FOCAD: variants seen among roughly 807,000 people sequenced by gnomAD.
The protein encoded by FOCAD is KIAA1797.
A neutral mutation model predicts 225.6 loss-of-function variants in FOCAD; 198 were observed. That is an observed-to-expected ratio of 0.88 (90% CI 0.78 to 0.99). The LOEUF (loss-of-function observed/expected upper bound fraction) is 0.99, where lower values mean the gene tolerates loss of function less well. Among genes scored for constraint, FOCAD ranks in the 50% least tolerant of loss-of-function variants. The pLI, the probability that FOCAD is intolerant of heterozygous loss-of-function variation, is 0.00. For missense variants in FOCAD, 2,713 were observed against 2,123.6 expected, an observed-to-expected ratio of 1.28 and a Z score of -5.46; for synonymous variants, 897 against 755.0, an observed-to-expected ratio of 1.19 and a Z score of -3.08.
chr9:20,895,580 G>T (rs1378877576), intron 21 of FOCAD, among the ~76,000 whole-genome samples: 3 of 151,172 alleles, frequency 2.0e-5, no homozygotes, highest in Admixed American at 6.6e-5. Flanking sequence ...TATATATATA[G>T]ATATATTTAT....
In FOCAD at chr9:20,781,751, A is replaced by C; in HGVS notation, c.1019A>C (p.Glu340Ala). Residue 340 changes from glutamate (E) to alanine (A), a missense_variant, in exon 10 of 44, where the codon GAG (glutamate) becomes GCG (alanine). Transcript: ENST00000338382. ...GCTTTGAAGCTCCTCTCTGTTACTG[A>C]GGATCAGAAAATCCCAAAGTCCTCT... ...NLALKLLSVT[E>A]DQKIPKSSLL... The C allele has an allele frequency of 1.2e-6, 2 of 1,613,864 alleles. No individual in the cohort carries two copies. Among genetic ancestry groups the C allele is most frequent in the Non-Finnish European group, 1.7e-6 (2 of 1,179,952 alleles).
intron 1 of FOCAD, among the ~76,000 whole-genome samples, chr9:20,698,742 T>G (rs62549788): frequency 0.28 from 42,130 of 152,112 alleles, 6,616 homozygotes; most frequent in South Asian, 0.39. Flanking sequence ...ATTGTAAACT[T>G]TTCTTTACAT....
At chr9:20,698,924 A>AG (rs1486211319) in intron 1 of FOCAD, among the ~76,000 whole-genome samples, 1 of 152,216 alleles carries the variant, frequency 6.6e-6, no homozygotes, top group Non-Finnish European at 1.5e-5. Flanking sequence ...TAGAACTTGA[A>AG]GGATGTATGC....
chr9:20,747,282 T>C (rs1305608908), intron 5 of FOCAD, among the ~76,000 whole-genome samples: 2 of 152,150 alleles, frequency 1.3e-5, no homozygotes, highest in African/African-American at 4.8e-5. Flanking sequence ...TAAGGAGATA[T>C]ATCAGATTCT....
At chr9:20,731,036 G>A (rs553431730) in intron 4 of FOCAD, among the ~76,000 whole-genome samples, 1 of 152,286 alleles carries the variant, frequency 6.6e-6, no homozygotes, top group Admixed American at 6.5e-5. Flanking sequence ...AGGAGTTTAA[G>A]ACCAGCCTGG....
At chr9:20,674,688 T>G (rs575062500) in intron 2 of FOCAD, among the ~76,000 whole-genome samples, 1 of 152,344 alleles carries the variant, frequency 6.6e-6, no homozygotes, top group East Asian at 1.9e-4. Flanking sequence ...CATGTGTTCT[T>G]TGAATGTCTG....
chr9:20,786,995 G>A (rs10511686), intron 10 of FOCAD: 3 of 479,426 alleles, frequency 6.3e-6, no homozygotes, highest in South Asian at 1.5e-5. Context: ...GAGAGAAAAC[G>A]CTTGATTGCA....
Position 20,951,718 on chromosome 9 carries a change from A to G in FOCAD, c.4051+620A>G, listed in dbSNP as rs375698031. 5.3e-5 allele frequency among the ~76,000 whole-genome samples: 8 copies of G among 152,298 alleles called. No individual in the cohort carries two copies. The East Asian group carries it at 1.5e-3, about 29-fold the overall frequency. On this transcript the variant is annotated intron_variant, in intron 34 of 43. Transcript: ENST00000338382. The stretch of plus-strand genomic sequence containing the variant: ...TTTCTAGCTTTTTGGTAAAAGCAGT[A>G]AAAGATATTTGCAGTCCCGACATGC...
At position 20,754,449 on chromosome 9, in the gene FOCAD, A is replaced by T. The variant is rs142901321; in HGVS notation, c.393-3641A>T. On this transcript the variant is annotated intron_variant, in intron 5 of 43. Coordinates refer to ENST00000338382, the MANE Select transcript of FOCAD (RefSeq NM_001375567.1). The stretch of plus-strand genomic sequence containing the variant: ...TGTGTTCTGTTACTCTTGTGCATCC[A>T]GTTTGATAACTATATTTCCATAAGA... Among the ~76,000 whole-genome samples the T allele has an allele frequency of 3.9e-3, 596 of 152,152 alleles. 2 individuals carry two copies. The highest frequency in any genetic ancestry group is 0.014 in the African/African-American group (564 of 41,530).
chr9:20,802,957 G>T (rs975208364), intron 11 of FOCAD, among the ~76,000 whole-genome samples: 4 of 152,090 alleles, frequency 2.6e-5, no homozygotes, highest in African/African-American at 9.7e-5. Context: ...GAAAGTAATA[G>T]AATTTTATTT....
intron 28 of FOCAD, among the ~76,000 whole-genome samples, chr9:20,941,419 A>ATAAATGT (rs1266075112): frequency 2.6e-5 from 4 of 152,232 alleles, no homozygotes; most frequent in African/African-American, 4.8e-5. Context: ...AAAGCGCTAT[A>ATAAATGT]TAAATGTTAA....
At chr9:20,857,541 A>T (rs1418401080) in intron 15 of FOCAD, among the ~76,000 whole-genome samples, 1 of 151,888 alleles carries the variant, frequency 6.6e-6, no homozygotes, top group Non-Finnish European at 1.5e-5. Flanking sequence ...TTGGAAAGAA[A>T]AATAATTTTA....
chr9:20,978,947 G>A (rs1587771217), intron 37 of FOCAD, among the ~76,000 whole-genome samples: 1 of 152,304 alleles, frequency 6.6e-6, no homozygotes, highest in African/African-American at 2.4e-5. Context: ...AGTGTAAGTG[G>A]AGAGCATGAA....
At chr9:20,667,203 T>A (rs1179957647) in intron 2 of FOCAD, among the ~76,000 whole-genome samples, 1 of 152,254 alleles carries the variant, frequency 6.6e-6, no homozygotes, top group Non-Finnish European at 1.5e-5. Flanking sequence ...GCACGTGTTA[T>A]AGCTTGTCTC....
intron 21 of FOCAD, among the ~76,000 whole-genome samples, chr9:20,894,836 C>A (rs1244022893): frequency 6.6e-6 from 1 of 151,956 alleles, no homozygotes; most frequent in Non-Finnish European, 1.5e-5. Flanking sequence ...TTAATGAAGT[C>A]CAGCATATCC....
chr9:20,790,512 C>T (rs1393361191), intron 11 of FOCAD, among the ~76,000 whole-genome samples: 4 of 152,188 alleles, frequency 2.6e-5, no homozygotes, highest in Non-Finnish European at 5.9e-5. Flanking sequence ...TGACTTACGC[C>T]TGTAATCCCA....
At chr9:20,867,449 G>A (rs1216230570) in intron 18 of FOCAD, among the ~76,000 whole-genome samples, 1 of 151,962 alleles carries the variant, frequency 6.6e-6, no homozygotes, top group African/African-American at 2.4e-5. Flanking sequence ...TATATAGGTA[G>A]CTCCAGAAAA....
In FOCAD at chr9:20,881,762, G is replaced by A; in HGVS notation, c.2318-109G>A. 2.7e-6 allele frequency: 3 copies of A among 1,094,030 alleles called. No individual in the cohort carries two copies. In the East Asian group the frequency reaches 7.2e-5, roughly 26 times the overall value. 67.8% of individuals were successfully genotyped at this position (1,094,030 alleles called of 1,614,324 possible). A position where few individuals can be genotyped will look rare whatever the true frequency, so the allele number is the denominator to read the frequency against. ...AAGAGGTCTCTTTTTACCATGTAAG[G>A]TTTGGCCAGAAATGTAGCTTAGTTG... On this transcript the variant is annotated intron_variant, in intron 19 of 43. Coordinates refer to ENST00000338382, the MANE Select transcript of FOCAD (RefSeq NM_001375567.1).
chr9:20,783,059 T>C (rs1029757104), intron 10 of FOCAD, among the ~76,000 whole-genome samples: 1 of 152,180 alleles, frequency 6.6e-6, no homozygotes, highest in Non-Finnish European at 1.5e-5. Context: ...TGTAGAACAA[T>C]GATTGGATCT....
Sources: gnomAD v4.1 joint callset for allele counts (sites outside exome capture counted in the v4.1 genomes callset) on GRCh38, gnomAD v4.1.1 for gene constraint, MANE v1.5 for transcripts, NCBI Gene and HGNC (gene_info 2026-07-23, HGNC 2026-07-21) for gene names.